EXOC6B: variants seen among roughly 807,000 people sequenced by gnomAD.
EXOC6B encodes exocyst complex component 6B, also known as SEC15 homolog B.
In EXOC6B, 54 loss-of-function variants were observed where a neutral mutation model predicts 113.5. The ratio of observed to expected loss-of-function variants is 0.48; its 90% CI spans 0.38 to 0.60. EXOC6B has a LOEUF of 0.60. Ranked by LOEUF, EXOC6B falls within the 20% of genes least tolerant of loss-of-function variation. The pLI is 0.00. For missense variants in EXOC6B, 797 were observed against 977.5 expected (o/e 0.82, Z 2.46); for synonymous variants, 357 against 339.0 (o/e 1.05, Z -0.58).
chr2:72,369,438 A>G (rs1464890845), intron 19 of EXOC6B, among the ~76,000 whole-genome samples: 3 of 152,230 alleles, frequency 2.0e-5, no homozygotes, highest in African/African-American at 7.2e-5. Flanking sequence ...CATACTGCCC[A>G]AGGTAATTTA....
At chr2:72,767,848 G>A (rs186449901) in intron 1 of EXOC6B, among the ~76,000 whole-genome samples, 1 of 73,246 alleles carries the variant, frequency 1.4e-5, no homozygotes, top group East Asian at 4.2e-4. Flanking sequence ...AAGTCCGGTG[G>A]CTCACGCTTA....
At chr2:72,294,594 G>C (rs79190627) in intron 20 of EXOC6B, among the ~76,000 whole-genome samples, 1 of 152,056 alleles carries the variant, frequency 6.6e-6, no homozygotes, top group African/African-American at 2.4e-5. Context: ...TTTTAGTAGG[G>C]ACACAATCTA....
chr2:72,557,271 A>G, intron 8 of EXOC6B, among the ~76,000 whole-genome samples: 1 of 127,600 alleles, frequency 7.8e-6, no homozygotes, highest in African/African-American at 3.1e-5. Context: ...AAAAAAATAT[A>G]ATGAAACAAA....
Position 72,825,698 on chromosome 2 carries a change from C to T in EXOC6B, c.113+100G>A. On this transcript the variant is annotated intron_variant, in intron 1 of 21. Coordinates refer to ENST00000272427, the MANE Select transcript of EXOC6B (RefSeq NM_015189.3). This position sits in a 1 kb window ranked among gnomAD's most constrained non-coding sequence, Gnocchi z 4.4. ...GCAGGGTCTCTCCGAAGGGAGGGGC[C>T]GGCGCCGGACCTGGGGACAGCCGGC... is the stretch of plus-strand genomic sequence containing the variant. 8.9e-6 allele frequency: 12 copies of T among 1,344,216 alleles called. No individual in the cohort carries two copies. Among genetic ancestry groups the T allele is most frequent in the Non-Finnish European group, 1.2e-5 (12 of 1,028,792 alleles). 83.3% of individuals were successfully genotyped at this position (1,344,216 alleles called of 1,614,324 possible). A position where few individuals can be genotyped will look rare whatever the true frequency, so the allele number is the denominator to read the frequency against.
At chr2:72,815,636 CTACT>C (rs1573843496) in intron 1 of EXOC6B, among the ~76,000 whole-genome samples, 2 of 152,174 alleles carry the variant, frequency 1.3e-5, no homozygotes, top group South Asian at 4.2e-4. Flanking sequence ...CACTGAAACA[CTACT>C]TATCACATCA....
chr2:72,389,000 A>G (rs1692215983), intron 18 of EXOC6B, among the ~76,000 whole-genome samples: 1 of 152,148 alleles, frequency 6.6e-6, no homozygotes, highest in South Asian at 2.1e-4. Flanking sequence ...TGCTTTATCC[A>G]GAGTAATAAA....
intron 6 of EXOC6B, among the ~76,000 whole-genome samples, chr2:72,686,867 G>A (rs1002792330): frequency 6.6e-6 from 1 of 152,050 alleles, no homozygotes; most frequent in African/African-American, 2.4e-5. Flanking sequence ...TCAGCTGGGC[G>A]GTGGCTCATG....
intron 18 of EXOC6B, among the ~76,000 whole-genome samples, chr2:72,413,695 A>AAG (rs199711885): frequency 1.9e-4 from 22 of 114,384 alleles, no homozygotes; most frequent in African/African-American, 8.5e-4. Flanking sequence ...AAAGAAAAAA[A>AAG]AAAAAAGAAA....
At chr2:72,433,306 T>C (rs1437538814) in intron 18 of EXOC6B, among the ~76,000 whole-genome samples, 5 of 152,336 alleles carry the variant, frequency 3.3e-5, no homozygotes, top group African/African-American at 7.2e-5. Context: ...TTTTGGTTAC[T>C]GTAGCTTGCA....
At chr2:72,592,006 TA>T (rs1314165436) in intron 6 of EXOC6B, among the ~76,000 whole-genome samples, 3 of 152,070 alleles carry the variant, frequency 2.0e-5, no homozygotes, top group Non-Finnish European at 4.4e-5. Flanking sequence ...TATGTTGTTT[TA>T]AAAAAGATAT....
At chr2:72,395,073 A>C (rs1016336568) in intron 18 of EXOC6B, among the ~76,000 whole-genome samples, 1 of 152,190 alleles carries the variant, frequency 6.6e-6, no homozygotes, top group African/African-American at 2.4e-5. Context: ...AAAAGAAAAA[A>C]AGGAAAAATA....
intron 20 of EXOC6B, among the ~76,000 whole-genome samples, chr2:72,309,051 C>G (rs938680642): frequency 6.6e-6 from 1 of 151,932 alleles, no homozygotes; most frequent in Non-Finnish European, 1.5e-5. Flanking sequence ...TCATCTCAAG[C>G]AGAATTATGA....
At chr2:72,783,277 G>T (rs573971298) in intron 1 of EXOC6B, among the ~76,000 whole-genome samples, 26 of 143,210 alleles carry the variant, frequency 1.8e-4, no homozygotes, top group African/African-American at 5.9e-4. Context: ...TAGTGGTGTT[G>T]AGCATTTTTA....
At chr2:72,278,844 C>G (rs1013132230) in intron 20 of EXOC6B, among the ~76,000 whole-genome samples, 1 of 152,086 alleles carries the variant, frequency 6.6e-6, no homozygotes, top group Non-Finnish European at 1.5e-5. Flanking sequence ...AGAAATGTAT[C>G]GACTTTGCAA....
intron 1 of EXOC6B, among the ~76,000 whole-genome samples, chr2:72,744,845 A>G (rs1479913821): frequency 1.3e-5 from 2 of 152,024 alleles, no homozygotes; most frequent in Non-Finnish European, 2.9e-5. Flanking sequence ...ATGCCTCCCT[A>G]GGCTCTCTGA....
At chr2:72,557,819 A>T (rs534309147) in intron 8 of EXOC6B, among the ~76,000 whole-genome samples, 116 of 152,320 alleles carry the variant, frequency 7.6e-4, no homozygotes, top group African/African-American at 2.7e-3. Context: ...TTTTTAAAAA[A>T]AGAATTGTAC....
intron 8 of EXOC6B, among the ~76,000 whole-genome samples, chr2:72,544,372 A>T (rs1183605070): frequency 6.6e-6 from 1 of 152,138 alleles, no homozygotes; most frequent in Non-Finnish European, 1.5e-5. Context: ...TTTCCCAAGA[A>T]AAACGTATAT....
At chr2:72,442,626 C>T (rs1300783555) in intron 18 of EXOC6B, among the ~76,000 whole-genome samples, 1 of 152,142 alleles carries the variant, frequency 6.6e-6, no homozygotes, top group African/African-American at 2.4e-5. Context: ...ATCAGGAATG[C>T]AGTCCCATTC....
rs143948551 is a variant in EXOC6B at position 72,643,810 on chromosome 2, A to AAAAT, written c.670-68146_670-68143dup. Among the ~76,000 whole-genome samples the AAAAT allele has an allele frequency of 3.0e-3, 448 of 150,828 alleles. 2 individuals carry two copies. Among genetic ancestry groups the AAAAT allele is most frequent in the African/African-American group, 8.5e-3 (352 of 41,286 alleles). Reference sequence around the variant, plus strand: ...AAAAAGAAGCAATAAAAAAAATTAAAAAATAAATAAATAAATAAATAAATA... The same window carrying AAAAT: ...AAAAAGAAGCAATAAAAAAAATTAAAAAATAAATAAATAAATAAATAAATAAATA... On this transcript the variant is annotated intron_variant, in intron 6 of 21. Transcript: ENST00000272427.
Sources: gnomAD v4.1 joint callset for allele counts (sites outside exome capture counted in the v4.1 genomes callset) on GRCh38, gnomAD v4.1.1 for gene constraint, Gnocchi (gnomAD v3.1) non-coding constraint, MANE v1.5 for transcripts, NCBI Gene and HGNC (gene_info 2026-07-23, HGNC 2026-07-21) for gene names.